PCDHGA8: variants seen among roughly 807,000 people sequenced by gnomAD.
PCDHGA8 encodes protocadherin gamma-A8.
A neutral mutation model predicts 59.2 loss-of-function variants in PCDHGA8; 45 were observed. The ratio of observed to expected loss-of-function variants is 0.76; its 90% CI spans 0.60 to 0.98. PCDHGA8 has a LOEUF of 0.98. PCDHGA8 is among the 50% of genes least tolerant of loss of function. PCDHGA8 has a pLI of 0.00. For synonymous variants in PCDHGA8, 531 were observed against 519.0 expected, an observed-to-expected ratio of 1.02 and a Z score of -0.32; for missense variants, 1,257 against 1,196.2, an observed-to-expected ratio of 1.05 and a Z score of -0.75.
chr5:141,432,635 G>C lies in PCDHGA8; in HGVS notation c.2424+37398G>C, dbSNP rs754354737. On this transcript the variant is annotated intron_variant, in intron 1 of 3. Transcript: ENST00000398604. The surrounding 1 kb of genome is among the most constrained non-coding windows in gnomAD (Gnocchi z 6.0). ...CTCGGTGGGTCTGCACACGGGCGAG[G>C]TGCGCACGGCGCGAGCCCTGCTGGA... The C allele has an allele frequency of 5.6e-6, 9 of 1,612,886 alleles. No individual in the cohort carries two copies. Among genetic ancestry groups the C allele is most frequent in the Non-Finnish European group, 7.6e-6 (9 of 1,179,742 alleles).
At chr5:141,469,372 C>A (rs780872014) in intron 1 of PCDHGA8, among the ~76,000 whole-genome samples, 1 of 151,990 alleles carries the variant, frequency 6.6e-6, no homozygotes, top group East Asian at 1.9e-4. Context: ...GTAAAGAGAT[C>A]GAGACCATCC....
In PCDHGA8 at chr5:141,477,428, T is replaced by C; in HGVS notation, c.2425-17379T>C. On this transcript the variant is annotated intron_variant, in intron 1 of 3. Transcript: ENST00000398604. The surrounding 1 kb of genome is among the most constrained non-coding windows in gnomAD (Gnocchi z 4.9). ...CCGAGACGCCGGAACCCCTTCCCTC[T>C]CAGCCCTTACAATAGTGCGTGTTCA... The C allele has an allele frequency of 6.2e-7, 1 of 1,614,142 alleles. No individual in the cohort carries two copies. Among genetic ancestry groups the C allele is most frequent in the Non-Finnish European group, 8.5e-7 (1 of 1,180,036 alleles).
intron 1 of PCDHGA8, chr5:141,422,676 A>C (rs1245488589): frequency 6.2e-7 from 1 of 1,606,500 alleles, no homozygotes; most frequent in Admixed American, 1.7e-5. Flanking sequence ...CGGACAGCAA[A>C]CAGAATGCCC....
chr5:141,415,915 TGC>T, intron 1 of PCDHGA8: 1 of 724,854 alleles, frequency 1.4e-6, no homozygotes, highest in Non-Finnish European at 1.9e-6. Flanking sequence ...CATACAGAAG[TGC>T]CTGTCAATTT....
rs2099710738 is a variant in PCDHGA8, at chr5:141,491,331, T to C, written c.2425-3476T>C. 6.2e-7 allele frequency: 1 copy of C among 1,614,170 alleles called. No homozygotes were observed. The highest frequency in any genetic ancestry group is 8.5e-7 in the Non-Finnish European group (1 of 1,180,018). On this transcript the variant is annotated intron_variant, in intron 1 of 3. Coordinates refer to ENST00000398604, the MANE Select transcript of PCDHGA8 (RefSeq NM_032088.2). The surrounding 1 kb of genome is among the most constrained non-coding windows in gnomAD (Gnocchi z 6.9). ...ACCTTACCCTTTACCTCATTGTGGC[T>C]CTAGCGACCGTCAGTCTCTTATCCC...
intron 1 of PCDHGA8, chr5:141,422,614 C>T (rs1207238896): frequency 6.2e-7 from 1 of 1,613,812 alleles, no homozygotes; most frequent in South Asian, 1.1e-5. Flanking sequence ...TGCCTACATT[C>T]CCGAAAACAA....
In PCDHGA8 at chr5:141,491,219, C is replaced by T; in HGVS notation, c.2425-3588C>T. ...GGTGACCCTTCACTCTCCTCCACAG[C>T]CACAGTGCTGCTGGTTCTGGAGGAT... is the stretch of plus-strand genomic sequence containing the variant. On this transcript the variant is annotated intron_variant, in intron 1 of 3. Coordinates refer to ENST00000398604, the MANE Select transcript of PCDHGA8 (RefSeq NM_032088.2). The surrounding 1 kb of genome is among the most constrained non-coding windows in gnomAD (Gnocchi z 6.9). 3 of 1,614,208 alleles carry T rather than the reference C, an allele frequency of 1.9e-6. No homozygotes were observed. The highest frequency in any genetic ancestry group is 2.5e-6 in the Non-Finnish European group (3 of 1,180,028).
intron 1 of PCDHGA8, among the ~76,000 whole-genome samples, chr5:141,437,450 G>A (rs2097885331): frequency 6.6e-6 from 1 of 152,148 alleles, no homozygotes; most frequent in Non-Finnish European, 1.5e-5. Context: ...GAATGTTGAG[G>A]AGACTATACT....
intron 1 of PCDHGA8, chr5:141,412,431 G>GTTAA (rs1478574285): frequency 6.6e-6 from 1 of 152,132 alleles, no homozygotes; most frequent in African/African-American, 2.4e-5. Context: ...ACACAAAAAG[G>GTTAA]TTAATTAAGG....
intron 1 of PCDHGA8, chr5:141,422,992 G>A: frequency 6.2e-7 from 1 of 1,614,238 alleles, no homozygotes; most frequent in Non-Finnish European, 8.5e-7. Flanking sequence ...TGGCTACCTG[G>A]TGACCAAGGT....
chr5:141,400,190 T>G (rs914854634), intron 1 of PCDHGA8: 1 of 1,613,898 alleles, frequency 6.2e-7, no homozygotes, highest in Non-Finnish European at 8.5e-7. Context: ...CAGTTTTACC[T>G]AGTGGTGGCC....
intron 1 of PCDHGA8, chr5:141,478,834 A>G: frequency 7.0e-7 from 1 of 1,427,896 alleles, no homozygotes; most frequent in Non-Finnish European, 9.2e-7. Context: ...TTGCTAAGGG[A>G]TGGTTAAGCT....
At chr5:141,478,333 G>C in intron 1 of PCDHGA8, 5 of 1,613,928 alleles carry the variant, frequency 3.1e-6, no homozygotes, top group Non-Finnish European at 4.2e-6. Flanking sequence ...GAACACCAGG[G>C]CCCTCCTTGC....
At chr5:141,419,253 A>G in intron 1 of PCDHGA8, 4 of 1,613,990 alleles carry the variant, frequency 2.5e-6, no homozygotes, top group South Asian at 1.1e-5. Flanking sequence ...CCAGAAAACA[A>G]CCAGCCGGGT....
intron 1 of PCDHGA8, chr5:141,404,343 A>G (rs2094516679): frequency 3.1e-6 from 5 of 1,613,902 alleles, no homozygotes; most frequent in Non-Finnish European, 4.2e-6. Flanking sequence ...CTCCCGGAAA[A>G]CAACGCCAGA....
chr5:141,410,252 C>A, intron 1 of PCDHGA8: 2 of 1,613,998 alleles, frequency 1.2e-6, no homozygotes. Context: ...ACTCTCTGAC[C>A]CCCAGGCTGA....
At chr5:141,422,636 C>T in intron 1 of PCDHGA8, 3 of 1,612,584 alleles carry the variant, frequency 1.9e-6, no homozygotes, top group Non-Finnish European at 2.5e-6. Context: ...CCCAGGGGTG[C>T]CTCCATCTTC....
chr5:141,428,561 A>G (rs879118525), intron 1 of PCDHGA8: 16 of 238,202 alleles, frequency 6.7e-5, no homozygotes, highest in South Asian at 5.9e-4. Context: ...GTCCCCCCAC[A>G]AGATCTTTCT....
At chr5:141,403,738 T>G in intron 1 of PCDHGA8, 3 of 1,613,930 alleles carry the variant, frequency 1.9e-6, no homozygotes, top group Admixed American at 3.3e-5. Context: ...CCTGGCTGCT[T>G]ACTGCAACAG....
Sources: allele counts gnomAD v4.1 joint callset (sites outside exome capture counted in the v4.1 genomes callset), GRCh38; gene constraint gnomAD v4.1.1; non-coding constraint Gnocchi (gnomAD v3.1); transcripts MANE v1.5; gene names NCBI Gene and HGNC (gene_info 2026-07-23, HGNC 2026-07-21).